LDLRAD4: variants seen among roughly 807,000 people sequenced by gnomAD.
LDLRAD4 encodes low density lipoprotein receptor class A domain containing 4.
Under a neutral mutation model 17.0 loss-of-function variants are expected in LDLRAD4, and 5 were observed. That is an observed-to-expected ratio of 0.29 (90% confidence interval 0.15 to 0.62). The LOEUF is 0.62. Among genes scored for constraint, LDLRAD4 ranks in the 20% least tolerant of loss-of-function variants. The pLI is 0.84. For synonymous variants in LDLRAD4, 168 were observed against 171.8 expected, an observed-to-expected ratio of 0.98 and a Z score of 0.17; for missense variants, 340 against 424.7, an observed-to-expected ratio of 0.80 and a Z score of 1.75.
At chr18:13,627,731 T>A (rs1010880857) in intron 4 of LDLRAD4, among the ~76,000 whole-genome samples, 2 of 152,164 alleles carry the variant, frequency 1.3e-5, no homozygotes, top group Non-Finnish European at 2.9e-5. Context: ...GGCAAGGCCC[T>A]CCTCTGTGAC....
chr18:13,571,540 C>T (rs151321527), intron 3 of LDLRAD4, among the ~76,000 whole-genome samples: 165 of 152,330 alleles, frequency 1.1e-3, no homozygotes, highest in South Asian at 8.3e-3. Flanking sequence ...TTTAAGCTCA[C>T]GCATGATGGC....
intron 1 of LDLRAD4, among the ~76,000 whole-genome samples, chr18:13,237,343 T>A (rs2042387673): frequency 6.6e-6 from 1 of 152,222 alleles, no homozygotes. Flanking sequence ...CCTCCTGTGA[T>A]CTGATAGGAT....
intron 1 of LDLRAD4, among the ~76,000 whole-genome samples, chr18:13,386,215 G>A (rs1012980990): frequency 6.6e-6 from 1 of 152,156 alleles, no homozygotes; most frequent in Non-Finnish European, 1.5e-5. Context: ...TAACATAAAA[G>A]AGGTTTCTTT....
At chr18:13,465,854 GC>G (rs2092598219) in intron 3 of LDLRAD4, among the ~76,000 whole-genome samples, 1 of 152,084 alleles carries the variant, frequency 6.6e-6, no homozygotes, top group Non-Finnish European at 1.5e-5. Context: ...TGTAAGTTAG[GC>G]CTCTCTTGTC....
intron 3 of LDLRAD4, among the ~76,000 whole-genome samples, chr18:13,562,642 C>T (rs888708947): frequency 6.6e-6 from 1 of 152,204 alleles, no homozygotes; most frequent in African/African-American, 2.4e-5. Flanking sequence ...TCCCCATCGT[C>T]CCTAATGGCC....
chr18:13,346,067 G>A (rs1251895556), intron 1 of LDLRAD4, among the ~76,000 whole-genome samples: 1 of 152,068 alleles, frequency 6.6e-6, no homozygotes, highest in African/African-American at 2.4e-5. Flanking sequence ...GGTTTTTTGT[G>A]TCTCTATTTC....
intron 1 of LDLRAD4, among the ~76,000 whole-genome samples, chr18:13,225,741 A>G (rs1474895917): frequency 1.3e-5 from 2 of 152,236 alleles, no homozygotes; most frequent in Non-Finnish European, 2.9e-5. Flanking sequence ...ACTGCTAGAG[A>G]TGATTAGTAG....
intron 1 of LDLRAD4, among the ~76,000 whole-genome samples, chr18:13,342,921 G>A (rs1277576068): frequency 1.3e-5 from 2 of 151,382 alleles, no homozygotes; most frequent in Admixed American, 1.3e-4. Context: ...TAGCTTTTTT[G>A]TTTCCCATAT....
chr18:13,330,321 C>G (rs373159581), intron 1 of LDLRAD4, among the ~76,000 whole-genome samples: 180 of 152,224 alleles, frequency 1.2e-3, no homozygotes, highest in African/African-American at 4.3e-3. Flanking sequence ...GCTTTATAAT[C>G]AAGCTTGTCT....
intron 1 of LDLRAD4, among the ~76,000 whole-genome samples, chr18:13,386,517 A>G (rs1373549904): frequency 6.6e-6 from 1 of 151,882 alleles, no homozygotes; most frequent in Non-Finnish European, 1.5e-5. Context: ...ACAGGCATAC[A>G]CCACCACACT....
chr18:13,590,976 A>G (rs1284397), intron 3 of LDLRAD4, among the ~76,000 whole-genome samples: 130,020 of 152,192 alleles, frequency 0.85, 56,060 homozygotes, highest in East Asian at 1. Flanking sequence ...TTGTCTTCAG[A>G]TTTTTCTTGA....
intron 1 of LDLRAD4, among the ~76,000 whole-genome samples, chr18:13,263,268 A>G (rs1185521138): frequency 7.0e-6 from 1 of 142,612 alleles, no homozygotes; most frequent in African/African-American, 2.7e-5. Flanking sequence ...ACCGAATCCC[A>G]TGCGGCTCTG....
intron 1 of LDLRAD4, among the ~76,000 whole-genome samples, chr18:13,295,853 G>T (rs933039585): frequency 6.6e-6 from 1 of 152,214 alleles, no homozygotes; most frequent in Admixed American, 6.5e-5. Flanking sequence ...AATTGTATTT[G>T]GGGTTTTGTG....
At chr18:13,295,345 T>G (rs542152518) in intron 1 of LDLRAD4, among the ~76,000 whole-genome samples, 1 of 152,198 alleles carries the variant, frequency 6.6e-6, no homozygotes, top group African/African-American at 2.4e-5. Flanking sequence ...GGGTTTCTTC[T>G]GTAGAAGCAT....
intron 3 of LDLRAD4, among the ~76,000 whole-genome samples, chr18:13,479,487 G>T (rs1295944099): frequency 9.2e-5 from 14 of 152,162 alleles, no homozygotes; most frequent in Admixed American, 9.2e-4. Flanking sequence ...TGGACATGGT[G>T]GTGGGTGCCT....
intron 1 of LDLRAD4, among the ~76,000 whole-genome samples, chr18:13,326,218 A>G (rs1474656264): frequency 6.6e-6 from 1 of 152,104 alleles, no homozygotes; most frequent in East Asian, 1.9e-4. Context: ...TTTTCTAAAG[A>G]GGTTTTCAGG....
intron 1 of LDLRAD4, among the ~76,000 whole-genome samples, chr18:13,325,794 C>A (rs2081499102): frequency 6.6e-6 from 1 of 151,926 alleles, no homozygotes; most frequent in Non-Finnish European, 1.5e-5. Flanking sequence ...GCTCTGTCGC[C>A]CAGGCTGGAG....
intron 3 of LDLRAD4, among the ~76,000 whole-genome samples, chr18:13,551,297 C>T (rs974340627): frequency 2.6e-5 from 4 of 152,178 alleles, no homozygotes. Context: ...CCTATCAGGG[C>T]CACCTTGTAG....
At chr18:13,277,056 A>C (rs2044920827), upstream of LDLRAD4, among the ~76,000 whole-genome samples, 1 of 152,174 alleles carries the variant, frequency 6.6e-6, no homozygotes, top group African/African-American at 2.4e-5. Context: ...GAATGTCTGT[A>C]GGCTCCCAAC....
Sources: allele counts gnomAD v4.1 joint callset (sites outside exome capture counted in the v4.1 genomes callset), GRCh38; gene constraint gnomAD v4.1.1; transcripts MANE v1.5; gene names NCBI Gene and HGNC (gene_info 2026-07-23, HGNC 2026-07-21).